SLC14A2: variants seen among roughly 807,000 people sequenced by gnomAD.
The protein encoded by SLC14A2 is solute carrier family 14 member 2, also known as urea transporter 2.
SLC14A2 carries 91 observed loss-of-function variants against 104.6 expected under a neutral mutation model. The ratio of observed to expected loss-of-function variants is 0.87; its 90% confidence interval spans 0.73 to 1.04. The LOEUF (loss-of-function observed/expected upper bound fraction) is 1.04. SLC14A2 is among the 50% of genes least tolerant of loss of function. The pLI is 0.00. For missense variants in SLC14A2, 1,189 were observed against 1,156.0 expected (o/e 1.03, Z -0.41); for synonymous variants, 476 against 466.4 (o/e 1.02, Z -0.27).
At chr18:45,432,602 G>T (rs1355101539) in intron 1 of SLC14A2, among the ~76,000 whole-genome samples, 1 of 152,142 alleles carries the variant, frequency 6.6e-6, no homozygotes, top group African/African-American at 2.4e-5. Context: ...CAATTTCTCT[G>T]CAGCAGCCTC....
intron 1 of SLC14A2, among the ~76,000 whole-genome samples, chr18:45,232,217 G>A (rs2084181870): frequency 1.3e-5 from 2 of 152,300 alleles, no homozygotes; most frequent in East Asian, 1.9e-4. Flanking sequence ...TGGCTGTGAG[G>A]CATCAGGAAA....
chr18:45,291,439 T>G (rs983189534), intron 1 of SLC14A2, among the ~76,000 whole-genome samples: 1 of 152,096 alleles, frequency 6.6e-6, no homozygotes, highest in Non-Finnish European at 1.5e-5. Context: ...TCCAAGAATA[T>G]TTTCCCAACT....
chr18:45,220,492 G>C (rs1196917376), intron 1 of SLC14A2, among the ~76,000 whole-genome samples: 1 of 152,152 alleles, frequency 6.6e-6, no homozygotes, highest in East Asian at 1.9e-4. Flanking sequence ...ACTGAGGCAG[G>C]GTTTTAAACT....
chr18:45,182,641 A>T, the SLC14A2 span, among the ~76,000 whole-genome samples: 1 of 152,068 alleles, frequency 6.6e-6, no homozygotes, highest in Non-Finnish European at 1.5e-5. Flanking sequence ...AACAGAAACT[A>T]TTATAAAAAA....
At position 45,250,751 on chromosome 18, in the gene SLC14A2, C is replaced by CTGACTTTTTTTTTTTTTTTTTTTT. The variant is rs1165070845; in HGVS notation, c.-125+37561_-125+37562insGACTTTTTTTTTTTTTTTTTTTTT. 9.7e-4 allele frequency among the ~76,000 whole-genome samples: 111 copies of CTGACTTTTTTTTTTTTTTTTTTTT among 113,862 alleles called. 12 individuals carry two copies. Among genetic ancestry groups the CTGACTTTTTTTTTTTTTTTTTTTT allele is most frequent in the African/African-American group, 1.2e-3 (31 of 25,514 alleles). 74.7% of individuals were successfully genotyped at this position (113,862 alleles called of 152,430 possible). The stretch of plus-strand genomic sequence containing the variant: ...AACTGAATCCTCTGGCTAGTGGCTT[C>CTGACTTTTTTTTTTTTTTTTTTTT]TTCCTTTTTTTTTTTTTTTTTTTTT... On this transcript the variant is annotated intron_variant, in intron 1 of 20. Coordinates refer to the SLC14A2 transcript ENST00000586448.
intron 2 of SLC14A2, among the ~76,000 whole-genome samples, chr18:45,562,244 C>A (rs1012563650): frequency 5.9e-5 from 9 of 152,170 alleles, no homozygotes; most frequent in Non-Finnish European, 1.2e-4. Context: ...TGTTGTGAAT[C>A]TACAAGTTAA....
At chr18:45,426,600 T>C (rs1454416300) in intron 1 of SLC14A2, among the ~76,000 whole-genome samples, 1 of 149,210 alleles carries the variant, frequency 6.7e-6, no homozygotes, top group Non-Finnish European at 1.5e-5. Flanking sequence ...TATACACACA[T>C]ATATGTACTA....
intron 1 of SLC14A2, among the ~76,000 whole-genome samples, chr18:45,343,341 T>A (rs896103072): frequency 4.6e-5 from 7 of 151,988 alleles, no homozygotes; most frequent in African/African-American, 1.7e-4. Context: ...TAGTTTCAGG[T>A]GATCAGAGGT....
intron 1 of SLC14A2, among the ~76,000 whole-genome samples, chr18:45,240,647 T>C (rs905223161): frequency 2.0e-5 from 3 of 150,586 alleles, no homozygotes; most frequent in Non-Finnish European, 4.4e-5. Flanking sequence ...TTTTGTTTTT[T>C]TTGTTTTTGT....
chr18:45,616,294 T>C (rs1377636740), intron 1 of SLC14A2, among the ~76,000 whole-genome samples: 2 of 152,226 alleles, frequency 1.3e-5, no homozygotes, highest in Non-Finnish European at 2.9e-5. Flanking sequence ...CTTTATATTT[T>C]ATTTTAATAA....
chr18:45,383,956 G>A (rs1422207766), intron 1 of SLC14A2, among the ~76,000 whole-genome samples: 1 of 152,082 alleles, frequency 6.6e-6, no homozygotes, highest in Non-Finnish European at 1.5e-5. Context: ...TCATTTTCAG[G>A]ATGGATTTGA....
intron 2 of SLC14A2, among the ~76,000 whole-genome samples, chr18:45,605,813 A>T (rs1260029479): frequency 2.0e-5 from 3 of 152,152 alleles, no homozygotes; most frequent in Non-Finnish European, 2.9e-5. Flanking sequence ...AAGATAGGTT[A>T]TCAGGAGCCT....
intron 2 of SLC14A2, among the ~76,000 whole-genome samples, chr18:45,561,399 T>C (rs2044199555): frequency 6.6e-6 from 1 of 152,146 alleles, no homozygotes; most frequent in Non-Finnish European, 1.5e-5. Flanking sequence ...AAGCAGTTTG[T>C]CTGCTGCTAG....
chr18:45,647,299 TAG>T (rs2045641317), intron 10 of SLC14A2: 1 of 152,232 alleles, frequency 6.6e-6, no homozygotes, highest in Admixed American at 6.5e-5. Context: ...TTTGTGGCCA[TAG>T]AGTTACTTAT....
chr18:45,388,477 A>C (rs765175312), intron 1 of SLC14A2, among the ~76,000 whole-genome samples: 1 of 152,162 alleles, frequency 6.6e-6, no homozygotes, highest in Admixed American at 6.5e-5. Context: ...AAGACAGGGC[A>C]TAGGCTGGTT....
At chr18:45,508,727 C>T (rs187482662) in intron 2 of SLC14A2, among the ~76,000 whole-genome samples, 26 of 152,302 alleles carry the variant, frequency 1.7e-4, no homozygotes, top group East Asian at 5.8e-4. Context: ...ATCCTCCATT[C>T]TGATGGGCCA....
intron 2 of SLC14A2, among the ~76,000 whole-genome samples, chr18:45,523,395 T>C (rs111307574): frequency 5.3e-5 from 8 of 151,492 alleles, no homozygotes; most frequent in African/African-American, 1.9e-4. Flanking sequence ...AGTGGCGCAA[T>C]CTCGGCTCAC....
At chr18:45,675,251 T>C (rs925492947) in intron 18 of SLC14A2, among the ~76,000 whole-genome samples, 1 of 152,224 alleles carries the variant, frequency 6.6e-6, no homozygotes, top group African/African-American at 2.4e-5. Context: ...TAATAATATC[T>C]AACATTTATT....
intron 10 of SLC14A2, among the ~76,000 whole-genome samples, chr18:45,659,244 A>G (rs1338903843): frequency 6.6e-6 from 1 of 152,250 alleles, no homozygotes; most frequent in Admixed American, 6.5e-5. Flanking sequence ...CTGGCCATAA[A>G]CATCATCTGT....
Sources: allele counts gnomAD v4.1 joint callset (sites outside exome capture counted in the v4.1 genomes callset), GRCh38; gene constraint gnomAD v4.1.1; transcripts MANE v1.5; gene names NCBI Gene and HGNC (gene_info 2026-07-23, HGNC 2026-07-21).